Variants in MDN1 observed in about 807,000 individuals in gnomAD.
MDN1 encodes the protein midasin.
MDN1 carries 266 observed loss-of-function variants against 669.2 expected under a neutral mutation model. That is an observed-to-expected ratio of 0.40 (90% confidence interval 0.36 to 0.44). MDN1 has a LOEUF of 0.44. Among genes scored for constraint, MDN1 ranks in the 20% least tolerant of loss-of-function variants. The pLI, the probability that MDN1 is intolerant of heterozygous loss-of-function variation, is 1.00. For synonymous variants in MDN1, 2,385 were observed against 2,457.1 expected (o/e 0.97, Z 0.87); for missense variants, 5,940 against 6,754.0 (o/e 0.88, Z 4.22).
At chr6:89,652,874 C>A in intron 94 of MDN1, 118 bp downstream of exon 94, 1 of 1,065,270 alleles carries the variant, frequency 9.4e-7, no homozygotes, top group South Asian at 1.6e-5. Flanking sequence ...AACATGAAAC[C>A]CCTCAACAAC....
intron 1 of MDN1, among the ~76,000 whole-genome samples, chr6:89,804,824 G>A (rs553069946): frequency 1.9e-4 from 29 of 152,092 alleles, no homozygotes; most frequent in Non-Finnish European, 4.3e-4. Context: ...GAGGTCAGGA[G>A]ATCGAGACCA....
At chr6:89,651,978 C>T (rs755476016) in intron 95 of MDN1, among the ~76,000 whole-genome samples, 1 of 152,152 alleles carries the variant, frequency 6.6e-6, no homozygotes, top group Non-Finnish European at 1.5e-5. Flanking sequence ...ATTAAGCACA[C>T]CAATTTCTGT....
In MDN1 at chr6:89,678,673, C is replaced by G. The variant is rs371690614; in HGVS notation, c.12338G>C (p.Arg4113Pro). ...VEPSAEKEKQRSEAKHILMQK... is the reference protein window; with the variant it reads ...VEPSAEKEKQPSEAKHILMQK... Reference sequence around the variant, plus strand: ...CATGAGAATGTGCTTGGCTTCTGACCGCTGCTTCTCCTTCTCTGCAGAGGG... The same window carrying G: ...CATGAGAATGTGCTTGGCTTCTGACGGCTGCTTCTCCTTCTCTGCAGAGGG... The change falls in exon 75 of 102, where the codon CGG becomes CCG. Residue 4113 changes from arginine to proline, a missense_variant. Arg to Pro is a moderately radical substitution (Grantham distance 103, BLOSUM62 -2). This residue lies in a region of MDN1 where 2,280 missense variants were observed against 2,576.3 expected (regional missense o/e 0.88). Transcript: ENST00000369393. The G allele has an allele frequency of 1.9e-6, 3 of 1,614,048 alleles. No individual in the cohort carries two copies. Among genetic ancestry groups the G allele is most frequent in the Non-Finnish European group, 2.5e-6 (3 of 1,179,954 alleles).
rs1035814474 is a variant in MDN1 at position 89,667,756 on chromosome 6, C to G, written c.14094+258G>C. Among the ~76,000 whole-genome samples the G allele has an allele frequency of 3.3e-5, 5 of 152,026 alleles. No homozygotes were observed. In the East Asian group the frequency reaches 5.8e-4, roughly 18 times the overall value. On this transcript the variant is annotated intron_variant, in intron 84 of 101. Transcript: ENST00000369393. ...ACTCTAGAAAATCATCAGTAAATAT[C>G]TGCCCATTTAAAAAAAAAAAGTAAA...
chr6:89,750,599 T>C, intron 23 of MDN1, 67 bp from the exon 24 acceptor site: 1 of 1,440,588 alleles, frequency 6.9e-7, no homozygotes, highest in Non-Finnish European at 9.6e-7. Flanking sequence ...AAACCAGAAC[T>C]GAGTATTGGT....
Position 89,689,956 on chromosome 6 carries a change from G to A in MDN1, c.10937C>T (p.Pro3646Leu), listed in dbSNP as rs200589426. 5.6e-6 allele frequency: 9 copies of A among 1,614,070 alleles called. No individual in the cohort carries two copies. The highest frequency in any genetic ancestry group is 7.6e-6 in the Non-Finnish European group (9 of 1,180,038). The change falls in exon 65 of 102, where the codon CCA becomes CTA. Residue 3646 changes from proline to leucine, a missense_variant. Physicochemically the swap from Pro to Leu is moderately conservative, Grantham distance 98. Coordinates refer to ENST00000369393, the MANE Select transcript of MDN1 (RefSeq NM_014611.3). Reference protein sequence around the residue: ...RSLWYQQTLPPHEAKHYLSLF... With the variant: ...RSLWYQQTLPLHEAKHYLSLF... ...GCTGAGGTAATGCTTTGCTTCATGTGGCGGCAGAGTCTGTTGATACCAGAG... is the reference window on the plus strand; with the variant it reads ...GCTGAGGTAATGCTTTGCTTCATGTAGCGGCAGAGTCTGTTGATACCAGAG...
intron 96 of MDN1, 76 bp from the exon 97 acceptor site, chr6:89,650,274 CAAT>C: frequency 2.2e-6 from 3 of 1,358,618 alleles, no homozygotes; most frequent in Middle Eastern, 2.0e-4. Flanking sequence ...ACAAAAATCA[CAAT>C]AATACCTTAA....
chr6:89,718,843 A>T lies in MDN1; in HGVS notation c.6245T>A (p.Leu2082His). The stretch of plus-strand genomic sequence containing the variant: ...CATGATCTTTAATGTGTGGCCAGTA[A>T]GGTGTGCCAGAAGCTGGACCAGGCT... ...KTSLVQLLAH[L>H]TGHTLKIMAM... Residue 2082 changes from leucine to histidine, a missense_variant, in exon 42 of 102, where the codon CTT (leucine) becomes CAT (histidine). Transcript: ENST00000369393. 6.2e-7 allele frequency: 1 copy of T among 1,614,198 alleles called. No individual in the cohort carries two copies. The highest frequency in any genetic ancestry group is 8.5e-7 in the Non-Finnish European group (1 of 1,180,036).
chr6:89,809,727 G>A (rs796154889), intron 1 of MDN1, among the ~76,000 whole-genome samples: 14 of 150,386 alleles, frequency 9.3e-5, no homozygotes, highest in African/African-American at 9.8e-5. Context: ...AGTAAGCCAC[G>A]ATTCTGCCAC....
intron 15 of MDN1, among the ~76,000 whole-genome samples, chr6:89,766,214 G>A (rs1398417862): frequency 1.3e-5 from 2 of 151,978 alleles, no homozygotes; most frequent in Middle Eastern, 3.2e-3. Flanking sequence ...GAGAAGAATC[G>A]CTTGGGCCCG....
intron 49 of MDN1, 96 bp downstream of exon 49, chr6:89,711,940 A>C: frequency 8.9e-7 from 1 of 1,120,608 alleles, no homozygotes; most frequent in Middle Eastern, 2.9e-4. Flanking sequence ...TGTAATTTTA[A>C]CAGTGTAGTC....
chr6:89,737,385 G>C (rs1816043076), intron 33 of MDN1, among the ~76,000 whole-genome samples: 1 of 152,020 alleles, frequency 6.6e-6, no homozygotes, highest in South Asian at 2.1e-4. Flanking sequence ...CCAAGAAGCA[G>C]ATATCTTTTT....
In MDN1 at chr6:89,745,625, A is replaced by C. The variant is rs561193450; in HGVS notation, c.3906T>G (p.Gly1302=). ...TGACTCGACCTGCCAGAAGCATATA[A>C]CCTGGGAGGAGGAGGAGGAAAAGGA... ...YDWLQHLAND[G]YMLLAGRVRK... The change falls in exon 28 of 102, where the codon GGT becomes GGG. Residue 1302 remains glycine, a splice_region_variant and synonymous_variant. Coordinates refer to ENST00000369393, the MANE Select transcript of MDN1 (RefSeq NM_014611.3). 3 of 1,613,252 alleles carry C rather than the reference A, an allele frequency of 1.9e-6. No individual in the cohort carries two copies. The South Asian group carries it at 3.3e-5, about 18-fold the overall frequency.
intron 15 of MDN1, among the ~76,000 whole-genome samples, chr6:89,766,608 G>A (rs910458424): frequency 6.6e-6 from 1 of 152,106 alleles, no homozygotes. Flanking sequence ...CTGCCTTCAT[G>A]GAAAATAACT....
At chr6:89,675,104 C>T (rs1006496818) in intron 78 of MDN1, among the ~76,000 whole-genome samples, 1 of 152,214 alleles carries the variant, frequency 6.6e-6, no homozygotes, top group Non-Finnish European at 1.5e-5. Flanking sequence ...GACCATCTCA[C>T]CCTAATACCA....
intron 1 of MDN1, among the ~76,000 whole-genome samples, chr6:89,811,435 T>C (rs1244098710): frequency 2.0e-5 from 3 of 152,044 alleles, no homozygotes; most frequent in Non-Finnish European, 4.4e-5. Context: ...AAGGATTTAC[T>C]TCTTTTTATT....
At chr6:89,767,857 T>C (rs1039824315) in intron 15 of MDN1, among the ~76,000 whole-genome samples, 4 of 151,448 alleles carry the variant, frequency 2.6e-5, no homozygotes, top group Admixed American at 6.6e-5. Flanking sequence ...CTGGGCAATA[T>C]AGTGAGACCT....
In MDN1 at chr6:89,707,446, C is replaced by G; in HGVS notation, c.7929G>C (p.Arg2643=). Residue 2643 remains arginine (R), a synonymous_variant, in exon 52 of 102, where the codon CGG becomes CGC. Transcript: ENST00000369393. ...AAACCAAATTTGCTTCAGTAAAAAC[C>G]CGTTTTTCCCGGTCAAGATATATGA... The part of the protein sequence containing the change: ...KTIIYLDREK[R]VFTEANLVSV... The G allele has an allele frequency of 6.2e-7, 1 of 1,613,418 alleles. No homozygotes were observed. The highest frequency in any genetic ancestry group is 8.5e-7 in the Non-Finnish European group (1 of 1,179,422).
At chr6:89,676,288 AT>A in intron 76 of MDN1, 81 bp from the exon 77 acceptor site, 1 of 1,255,326 alleles carries the variant, frequency 8.0e-7, no homozygotes, top group East Asian at 2.3e-5. Context: ...ATATTGGTAT[AT>A]TTGGCCATAA....
Sources: allele counts gnomAD v4.1 joint callset (sites outside exome capture counted in the v4.1 genomes callset), GRCh38; gene constraint gnomAD v4.1.1; regional missense constraint gnomAD v4.1.1; transcripts MANE v1.5; gene names NCBI Gene and HGNC (gene_info 2026-07-23, HGNC 2026-07-21).